Variants in SMAD4 observed in about 807,000 individuals in gnomAD.
The protein encoded by SMAD4 is SMAD family member 4.
In SMAD4, 7 loss-of-function variants were observed where a neutral mutation model predicts 63.2. The ratio of observed to expected loss-of-function variants is 0.11; its 90% CI spans 0.06 to 0.21. SMAD4 has a LOEUF of 0.21. SMAD4 is among the 10% of genes least tolerant of loss of function. SMAD4 has a pLI of 1.00. For missense variants in SMAD4, 312 were observed against 693.8 expected (o/e 0.45, Z 6.18); for synonymous variants, 215 against 235.4 (o/e 0.91, Z 0.79).
At chr18:51,052,295 A>G (rs1439329602) in intron 4 of SMAD4, 1 of 152,452 alleles carries the variant, frequency 6.6e-6, no homozygotes, top group Non-Finnish European at 1.5e-5. Context: ...ACTTTAACAG[A>G]TGAAGGGACT....
At chr18:51,069,383 G>A (rs1910256014) in intron 10 of SMAD4, among the ~76,000 whole-genome samples, 1 of 152,190 alleles carries the variant, frequency 6.6e-6, no homozygotes, top group Admixed American at 6.5e-5. Context: ...CAAAGTGCAA[G>A]GATTGCAGGT....
intron 4 of SMAD4, chr18:51,054,549 A>G: frequency 2.0e-6 from 1 of 499,200 alleles, no homozygotes; most frequent in South Asian, 2.3e-5. Context: ...CTAGCTTCAA[A>G]TTTGAGAGTC....
intron 2 of SMAD4, among the ~76,000 whole-genome samples, chr18:51,048,413 C>T (rs1287674716): frequency 6.6e-6 from 1 of 152,164 alleles, no homozygotes; most frequent in African/African-American, 2.4e-5. Context: ...CTGCCTTGGC[C>T]TCCCAAAGTG....
chr18:51,058,587 A>G (rs1909911016), intron 7 of SMAD4, 131 bp downstream of exon 7: 1 of 703,672 alleles, frequency 1.4e-6, no homozygotes, highest in South Asian at 1.6e-5. Flanking sequence ...AGTGCTTTTC[A>G]GTATTTTTTG....
chr18:51,065,297 G>T lies in SMAD4; in HGVS notation c.956-126G>T, dbSNP rs775500106. ...ATGTTATTTTAATCCAGTTGTTTTG[G>T]GTGCATTACATTTCCATCTCCCCTC... is the stretch of plus-strand genomic sequence containing the variant. On this transcript the variant is annotated intron_variant, in intron 8 of 11. Transcript: ENST00000342988. 5.2e-6 allele frequency: 4 copies of T among 769,856 alleles called. No homozygotes were observed. In the East Asian group the frequency reaches 9.9e-5, roughly 19 times the overall value. The allele number at this position is 769,856 out of a possible 1,614,324, so 47.7% of individuals were successfully genotyped here. A position where few individuals can be genotyped will look rare whatever the true frequency, so the allele number is the denominator to read the frequency against.
At chr18:51,042,202 A>G (rs1909403614) in intron 1 of SMAD4, among the ~76,000 whole-genome samples, 1 of 152,098 alleles carries the variant, frequency 6.6e-6, no homozygotes, top group Admixed American at 6.5e-5. Context: ...AGGAAAATAT[A>G]ATTAGCCCAG....
At chr18:51,048,939 T>A (rs2144406769) in intron 3 of SMAD4, 79 bp downstream of exon 3, 1 of 1,336,160 alleles carries the variant, frequency 7.5e-7, no homozygotes, top group Non-Finnish European at 1.1e-6. Context: ...GTAAGTTAAA[T>A]TATAAATTTG....
intron 4 of SMAD4, 180 bp from the exon 5 acceptor site, chr18:51,054,601 T>G: frequency 1.7e-6 from 1 of 592,832 alleles, no homozygotes; most frequent in Non-Finnish European, 3.0e-6. Context: ...TACCGCTGAA[T>G]AAATGACTTT....
At chr18:51,044,933 T>C (rs2144396016) in intron 1 of SMAD4, 1 of 152,358 alleles carries the variant, frequency 6.6e-6, no homozygotes, top group East Asian at 1.9e-4. Context: ...TGTGTATTAA[T>C]GTGGGCAAGT....
At chr18:51,078,147 C>A in intron 11 of SMAD4, 109 bp from the exon 12 acceptor site, 1 of 896,250 alleles carries the variant, frequency 1.1e-6, no homozygotes, top group South Asian at 1.4e-5. Context: ...AAGTTATATG[C>A]TGAGGAGAAT....
intron 1 of SMAD4, among the ~76,000 whole-genome samples, chr18:51,043,276 A>G (rs1233245666): frequency 6.6e-6 from 1 of 152,154 alleles, no homozygotes; most frequent in Non-Finnish European, 1.5e-5. Flanking sequence ...TGCTTTGTAT[A>G]TACAGTGTTT....
At chr18:51,052,930 TA>T (rs2144414212) in intron 4 of SMAD4, 1 of 152,876 alleles carries the variant, frequency 6.5e-6, no homozygotes, top group Non-Finnish European at 1.5e-5. Flanking sequence ...TTGGCAAAAA[TA>T]TATTGCAGAC....
intron 1 of SMAD4, among the ~76,000 whole-genome samples, chr18:51,034,521 G>GCTC (rs1377176348): frequency 1.3e-5 from 2 of 152,128 alleles, no homozygotes; most frequent in East Asian, 3.9e-4. Flanking sequence ...AAGGTGCTGG[G>GCTC]ATTATAGGCA....
chr18:51,038,543 T>A (rs1909278844), intron 1 of SMAD4, among the ~76,000 whole-genome samples: 3 of 152,332 alleles, frequency 2.0e-5, no homozygotes, highest in Non-Finnish European at 4.4e-5. Context: ...AATACTCCTC[T>A]CTTCCAATTA....
chr18:51,033,582 A>T (rs943399983), intron 1 of SMAD4, among the ~76,000 whole-genome samples: 13 of 152,264 alleles, frequency 8.5e-5, no homozygotes, highest in African/African-American at 3.1e-4. Flanking sequence ...AAAATGAGAA[A>T]TTCAAACAGT....
At chr18:51,037,326 G>C (rs1310925676) in intron 1 of SMAD4, among the ~76,000 whole-genome samples, 1 of 152,160 alleles carries the variant, frequency 6.6e-6, no homozygotes, top group Non-Finnish European at 1.5e-5. Context: ...TATATTTAAG[G>C]GGTTCACAAA....
intron 4 of SMAD4, chr18:51,053,193 A>G (rs1022612340): frequency 2.0e-5 from 3 of 152,174 alleles, no homozygotes; most frequent in African/African-American, 7.2e-5. Context: ...TACCAAGTTG[A>G]CCAGTTGTAT....
In SMAD4 at chr18:51,030,641, C is replaced by T. The variant is rs962857767; in HGVS notation, c.-128+18C>T. ...GAGCCCAGGTAACCGCGCCATGTCC[C>T]CTCCCCTTCCCCCGGCCGGGCCCGC... On this transcript the variant is annotated intron_variant, in intron 1 of 11. Transcript: ENST00000342988. 2.0e-5 allele frequency: 3 copies of T among 149,654 alleles called. No homozygotes were observed. The highest frequency in any genetic ancestry group is 7.3e-5 in the African/African-American group (3 of 41,126). The allele number at this position is 149,654 out of a possible 1,614,324, so 9.3% of individuals were successfully genotyped here. A position where few individuals can be genotyped will look rare whatever the true frequency, so the allele number is the denominator to read the frequency against.
At chr18:51,055,467 A>G (rs562922552) in intron 5 of SMAD4, among the ~76,000 whole-genome samples, 2 of 151,376 alleles carry the variant, frequency 1.3e-5, no homozygotes, top group South Asian at 4.2e-4. Flanking sequence ...CAAGATAGAC[A>G]TTAATTAAGT....
Sources: allele counts gnomAD v4.1 joint callset (sites outside exome capture counted in the v4.1 genomes callset), GRCh38; gene constraint gnomAD v4.1.1; transcripts MANE v1.5; gene names NCBI Gene and HGNC (gene_info 2026-07-23, HGNC 2026-07-21).